The following GNB1L variants were observed in gnomAD, a reference collection of about 807,000 sequenced individuals.
GNB1L encodes guanine nucleotide-binding protein subunit beta-like protein 1.
In GNB1L, 20 loss-of-function variants were observed where a neutral mutation model predicts 29.1. That is an observed-to-expected ratio of 0.69 (90% CI 0.48 to 1.00). The LOEUF is 1.00. Ranked by LOEUF, GNB1L falls within the 50% of genes least tolerant of loss-of-function variation. The pLI, the probability that GNB1L is intolerant of heterozygous loss-of-function variation, is 0.00. For missense variants in GNB1L, 421 were observed against 464.9 expected (o/e 0.91, Z 0.87); for synonymous variants, 193 against 206.5 (o/e 0.93, Z 0.56).
At chr22:19,853,337 T>C (rs1291657798) in intron 2 of GNB1L, among the ~76,000 whole-genome samples, 2 of 152,052 alleles carry the variant, frequency 1.3e-5, no homozygotes, top group Non-Finnish European at 2.9e-5. Flanking sequence ...CCGCCCCTCC[T>C]TCTCCACGCA....
At chr22:19,850,965 C>A (rs1938080217) in intron 2 of GNB1L, 5 of 1,385,022 alleles carry the variant, frequency 3.6e-6, no homozygotes, top group Non-Finnish European at 4.7e-6. Flanking sequence ...AGGGAAAGGG[C>A]ACAGGGCGGA....
rs115971978 is a variant in GNB1L at position 19,833,133 on chromosome 22, T to C, written c.-20-11758A>G. 7.5e-3 allele frequency among the ~76,000 whole-genome samples: 1,135 copies of C among 152,214 alleles called. 19 individuals carry two copies. The highest frequency in any genetic ancestry group is 0.026 in the African/African-American group (1,082 of 41,532). ...GGATATCATCCAAAATTATTCAGCA[T>C]ACAAAGAACCCGGAAAATGAGACCA... is the stretch of plus-strand genomic sequence containing the variant. On this transcript the variant is annotated intron_variant, in intron 2 of 7. Coordinates refer to ENST00000329517, the MANE Select transcript of GNB1L (RefSeq NM_053004.3).
chr22:19,802,098 A>G lies in GNB1L; in HGVS notation c.635T>C (p.Met212Thr), dbSNP rs139155499. ...SRIACHEEPVMDLDFDSQKAR... is the reference protein window; with the variant it reads ...SRIACHEEPVTDLDFDSQKAR... Reference sequence around the variant, plus strand: ...CTTCTGGGAGTCAAAGTCAAGGTCCATGACGGGCTCCTCATGGCAGGCGAT... The same window carrying G: ...CTTCTGGGAGTCAAAGTCAAGGTCCGTGACGGGCTCCTCATGGCAGGCGAT... The change falls in exon 7 of 8, where the codon ATG becomes ACG. Residue 212 changes from methionine (M) to threonine (T), a missense_variant. Coordinates refer to ENST00000329517, the MANE Select transcript of GNB1L (RefSeq NM_053004.3). 4.7e-5 allele frequency: 76 copies of G among 1,613,498 alleles called. No homozygotes were observed. Among genetic ancestry groups the G allele is most frequent in the South Asian group, 1.4e-4 (13 of 91,086 alleles).
intron 2 of GNB1L, among the ~76,000 whole-genome samples, chr22:19,840,822 A>C (rs2145896522): frequency 6.6e-6 from 1 of 152,130 alleles, no homozygotes; most frequent in South Asian, 2.1e-4. Flanking sequence ...AAAAAAAAAA[A>C]GAAAGAAAGA....
chr22:19,823,721 T>C (rs1416560817), intron 2 of GNB1L, among the ~76,000 whole-genome samples: 2 of 152,084 alleles, frequency 1.3e-5, no homozygotes, highest in South Asian at 2.1e-4. Flanking sequence ...TACACACACA[T>C]GCACATGGTG....
chr22:19,840,552 G>A (rs1937842462), intron 2 of GNB1L, among the ~76,000 whole-genome samples: 1 of 152,206 alleles, frequency 6.6e-6, no homozygotes, highest in African/African-American at 2.4e-5. Context: ...GCTCACACCT[G>A]TAATCCCAGC....
At chr22:19,789,164 G>A (rs559205898) in intron 7 of GNB1L, among the ~76,000 whole-genome samples, 4 of 152,238 alleles carry the variant, frequency 2.6e-5, no homozygotes, top group East Asian at 1.9e-4. Flanking sequence ...AGTGGTCTTC[G>A]GCCCTGCCCT....
intron 7 of GNB1L, among the ~76,000 whole-genome samples, chr22:19,790,453 C>T (rs1325177662): frequency 1.3e-5 from 2 of 152,130 alleles, no homozygotes; most frequent in Non-Finnish European, 2.9e-5. Flanking sequence ...TCCTTCTCCT[C>T]TCCCACCTCA....
chr22:19,788,972 G>C lies in GNB1L; in HGVS notation c.733-12C>G, dbSNP rs1454482567. ...TGAGTCCCACGCACCTGTGAGAGTTGGGAGAGGTGTTAGGCCACTCCTTAA... is the reference window on the plus strand; with the variant it reads ...TGAGTCCCACGCACCTGTGAGAGTTCGGAGAGGTGTTAGGCCACTCCTTAA... On this transcript the variant is annotated splice_polypyrimidine_tract_variant and intron_variant, in intron 7 of 7. Coordinates refer to ENST00000329517, the MANE Select transcript of GNB1L (RefSeq NM_053004.3). 1 of 1,590,898 alleles carries C rather than the reference G, an allele frequency of 6.3e-7. No homozygotes were observed. The highest frequency in any genetic ancestry group is 2.2e-5 in the East Asian group (1 of 44,500).
At chr22:19,805,641 G>A (rs1937424996) in intron 6 of GNB1L, among the ~76,000 whole-genome samples, 1 of 152,214 alleles carries the variant, frequency 6.6e-6, no homozygotes, top group African/African-American at 2.4e-5. Flanking sequence ...AATTAGCCGG[G>A]CGTGGTGGCG....
intron 4 of GNB1L, among the ~76,000 whole-genome samples, chr22:19,814,294 G>A (rs960760453): frequency 2.6e-5 from 4 of 152,252 alleles, no homozygotes; most frequent in African/African-American, 7.2e-5. Flanking sequence ...TAAAATCAGC[G>A]GCAAAAGGGT....
At chr22:19,810,846 G>A (rs947707067) in intron 5 of GNB1L, among the ~76,000 whole-genome samples, 3 of 152,216 alleles carry the variant, frequency 2.0e-5, no homozygotes, top group Non-Finnish European at 4.4e-5. Context: ...AGGCTGCCCC[G>A]GGAAAAGACA....
intron 2 of GNB1L, among the ~76,000 whole-genome samples, chr22:19,832,834 G>T (rs1029916612): frequency 1.3e-5 from 2 of 152,212 alleles, no homozygotes; most frequent in Admixed American, 6.5e-5. Context: ...TCACCCCTGA[G>T]CTGTGTATAC....
intron 2 of GNB1L, among the ~76,000 whole-genome samples, chr22:19,844,669 G>A (rs1212916974): frequency 6.6e-6 from 1 of 152,230 alleles, no homozygotes; most frequent in Non-Finnish European, 1.5e-5. Context: ...CTGTGGCTGG[G>A]GATGTCCGTC....
chr22:19,795,545 A>G (rs983849709), intron 7 of GNB1L, among the ~76,000 whole-genome samples: 1 of 152,236 alleles, frequency 6.6e-6, no homozygotes, highest in African/African-American at 2.4e-5. Context: ...AAACACTGCA[A>G]TTGCACTGCG....
chr22:19,806,733 T>C lies in GNB1L; in HGVS notation c.442A>G (p.Lys148Glu), dbSNP rs1601327631. The change falls in exon 6 of 8, where the codon AAG (lysine) becomes GAG (glutamate). Residue 148 changes from lysine to glutamate, a missense_variant. Lys to Glu is a moderately conservative substitution (Grantham distance 56, BLOSUM62 1). Transcript: ENST00000329517. ...GGCTTCAGGGCGCACACTGACGTCTTGGAGGGCATCTCCAGAATCTGAACC... is the reference window on the plus strand; with the variant it reads ...GGCTTCAGGGCGCACACTGACGTCTCGGAGGGCATCTCCAGAATCTGAACC... ...DEVQILEMPSKTSVCALKPKA... is the reference protein window; with the variant it reads ...DEVQILEMPSETSVCALKPKA... The C allele has an allele frequency of 1.2e-6, 2 of 1,613,352 alleles. No individual in the cohort carries two copies. The highest frequency in any genetic ancestry group is 4.5e-5 in the East Asian group (2 of 44,888).
intron 7 of GNB1L, among the ~76,000 whole-genome samples, chr22:19,796,409 A>G (rs1601320440): frequency 1.3e-5 from 2 of 152,226 alleles, no homozygotes; most frequent in East Asian, 3.8e-4. Context: ...TCTGACAACC[A>G]GCACTGCCTC....
chr22:19,791,234 C>G (rs1478132992), intron 7 of GNB1L, among the ~76,000 whole-genome samples: 1 of 152,140 alleles, frequency 6.6e-6, no homozygotes, highest in Non-Finnish European at 1.5e-5. Flanking sequence ...CCTTGTGCTC[C>G]CCACCCCCCA....
Position 19,816,645 on chromosome 22 carries a change from CACAT to C in GNB1L, c.254+3949_254+3952del, listed in dbSNP as rs1172947526. ...CACACCACACACCTCATACACACCT[CACAT>C]ACATACACACCACACAGGCACCTCA... is the stretch of plus-strand genomic sequence containing the variant. On this transcript the variant is annotated intron_variant, in intron 4 of 7. Transcript: ENST00000329517. The surrounding 1 kb of genome is among the most constrained non-coding windows in gnomAD (Gnocchi z 4.4). Among the ~76,000 whole-genome samples, 1 of 152,106 alleles carries C rather than the reference CACAT, an allele frequency of 6.6e-6. No homozygotes were observed. The highest frequency in any genetic ancestry group is 1.5e-5 in the Non-Finnish European group (1 of 67,994).
Sources: allele counts gnomAD v4.1 joint callset (sites outside exome capture counted in the v4.1 genomes callset), GRCh38; gene constraint gnomAD v4.1.1; non-coding constraint Gnocchi (gnomAD v3.1); transcripts MANE v1.5; gene names NCBI Gene and HGNC (gene_info 2026-07-23, HGNC 2026-07-21).